AUTS2: variants seen among roughly 807,000 people sequenced by gnomAD.
The protein encoded by AUTS2 is autism susceptibility gene 2 protein.
Under a neutral mutation model 112.4 loss-of-function variants are expected in AUTS2, and 17 were observed. The ratio of observed to expected loss-of-function variants is 0.15; its 90% CI spans 0.10 to 0.23. AUTS2 has a LOEUF of 0.23. AUTS2 is among the 10% of genes least tolerant of loss of function. The probability of loss-of-function intolerance (pLI) is 1.00; values close to 1 mark genes in which losing one functional copy is unlikely to be tolerated. For synonymous variants in AUTS2, 751 were observed against 702.7 expected (o/e 1.07, Z -1.09); for missense variants, 1,510 against 1,701.6 (o/e 0.89, Z 1.98).
At chr7:70,245,491 A>G (rs1446162324) in intron 4 of AUTS2, among the ~76,000 whole-genome samples, 1 of 152,118 alleles carries the variant, frequency 6.6e-6, no homozygotes, top group African/African-American at 2.4e-5. Context: ...TGTTTTGTAC[A>G]TTCTGTAGAT....
intron 1 of AUTS2, among the ~76,000 whole-genome samples, chr7:69,743,716 A>G (rs891190594): frequency 6.6e-6 from 1 of 152,180 alleles, no homozygotes; most frequent in Non-Finnish European, 1.5e-5. Flanking sequence ...AGTTTTATAT[A>G]AATGGAATTA....
chr7:70,767,052 A>G (rs1300430625), intron 9 of AUTS2, among the ~76,000 whole-genome samples: 1 of 152,198 alleles, frequency 6.6e-6, no homozygotes, highest in Non-Finnish European at 1.5e-5. Context: ...TCATAGTGCC[A>G]TATTAGAATG....
chr7:70,486,898 C>CCG (rs59030350), intron 5 of AUTS2, among the ~76,000 whole-genome samples: 2 of 6,736 alleles, frequency 3.0e-4, no homozygotes, highest in Non-Finnish European at 1.1e-3. Context: ...TTTTTGTATT[C>CCG]CCCCCCCCCC....
chr7:70,685,564 T>C (rs1013693999), intron 5 of AUTS2, among the ~76,000 whole-genome samples: 3 of 151,000 alleles, frequency 2.0e-5, no homozygotes, highest in African/African-American at 7.3e-5. Flanking sequence ...GATAATAACA[T>C]ATGTGGTATG....
chr7:69,811,575 T>C (rs557658646), intron 1 of AUTS2, among the ~76,000 whole-genome samples: 1 of 152,252 alleles, frequency 6.6e-6, no homozygotes, highest in Non-Finnish European at 1.5e-5. Context: ...TCAAGGCCCT[T>C]CACGTGATTT....
intron 1 of AUTS2, among the ~76,000 whole-genome samples, chr7:69,875,594 T>C (rs183379360): frequency 6.6e-6 from 1 of 152,336 alleles, no homozygotes; most frequent in East Asian, 1.9e-4. Context: ...CAGGTCTGTT[T>C]GTGACACAAG....
intron 5 of AUTS2, among the ~76,000 whole-genome samples, chr7:70,601,700 G>A (rs565081015): frequency 1.3e-5 from 2 of 152,256 alleles, no homozygotes; most frequent in East Asian, 3.9e-4. Context: ...AGCGGGGACA[G>A]GAAGTTGTGG....
intron 5 of AUTS2, among the ~76,000 whole-genome samples, chr7:70,572,520 T>C (rs980299815): frequency 3.9e-5 from 6 of 152,074 alleles, no homozygotes; most frequent in Non-Finnish European, 7.4e-5. Context: ...ACTTAAAACA[T>C]ATTCTTAGAC....
At chr7:69,729,301 A>G (rs966717035) in intron 1 of AUTS2, among the ~76,000 whole-genome samples, 1 of 151,862 alleles carries the variant, frequency 6.6e-6, no homozygotes, top group African/African-American at 2.4e-5. Context: ...TATTTAACAC[A>G]TACTCGCATG....
intron 2 of AUTS2, among the ~76,000 whole-genome samples, chr7:70,103,197 A>G (rs184692139): frequency 5.9e-5 from 9 of 152,336 alleles, no homozygotes; most frequent in Admixed American, 1.3e-4. Flanking sequence ...TATTAATACA[A>G]TGTTACTCTG....
chr7:70,327,803 A>G (rs1338971754), intron 4 of AUTS2, among the ~76,000 whole-genome samples: 1 of 152,224 alleles, frequency 6.6e-6, no homozygotes, highest in Non-Finnish European at 1.5e-5. Context: ...AACCACATTT[A>G]TCATAAAATT....
chr7:69,912,901 T>C (rs1795422561), intron 2 of AUTS2, among the ~76,000 whole-genome samples: 1 of 152,252 alleles, frequency 6.6e-6, no homozygotes, highest in Non-Finnish European at 1.5e-5. Context: ...ATCTCTAGAT[T>C]AGTGCAGCAT....
intron 1 of AUTS2, among the ~76,000 whole-genome samples, chr7:69,716,678 C>T (rs1159866663): frequency 6.6e-6 from 1 of 152,078 alleles, no homozygotes; most frequent in Non-Finnish European, 1.5e-5. Context: ...TCTCAGGGCT[C>T]AGTCCCACAC....
At chr7:69,895,434 C>G (rs907901292) in intron 1 of AUTS2, among the ~76,000 whole-genome samples, 4 of 152,054 alleles carry the variant, frequency 2.6e-5, no homozygotes, top group African/African-American at 9.7e-5. Context: ...TCTCTAGTCT[C>G]TGAAAATATA....
At chr7:70,613,379 A>G (rs1804196030) in intron 5 of AUTS2, among the ~76,000 whole-genome samples, 2 of 152,058 alleles carry the variant, frequency 1.3e-5, no homozygotes, top group Non-Finnish European at 2.9e-5. Flanking sequence ...GTAATATTAG[A>G]TTTTCGGAGT....
chr7:70,359,845 A>G (rs1228257401), intron 4 of AUTS2, among the ~76,000 whole-genome samples: 1 of 152,198 alleles, frequency 6.6e-6, no homozygotes, highest in African/African-American at 2.4e-5. Flanking sequence ...CCAATGTAGT[A>G]TGTGTTTTCT....
chr7:70,216,157 C>G (rs1002243030), intron 4 of AUTS2, among the ~76,000 whole-genome samples: 1 of 152,168 alleles, frequency 6.6e-6, no homozygotes, highest in Non-Finnish European at 1.5e-5. Context: ...TGGGGTATTA[C>G]AGCTGTTCAG....
At chr7:70,440,537 G>A (rs1243174074) in intron 5 of AUTS2, among the ~76,000 whole-genome samples, 1 of 152,160 alleles carries the variant, frequency 6.6e-6, no homozygotes, top group African/African-American at 2.4e-5. Flanking sequence ...GAAAAAAGAG[G>A]AAGACTAGCA....
At chr7:70,173,201 A>C (rs1318940867) in intron 4 of AUTS2, among the ~76,000 whole-genome samples, 1 of 152,068 alleles carries the variant, frequency 6.6e-6, no homozygotes, top group East Asian at 1.9e-4. Context: ...ACACAGTGAA[A>C]CCCTGTCTCT....
Sources: allele counts gnomAD v4.1 joint callset (sites outside exome capture counted in the v4.1 genomes callset), GRCh38; gene constraint gnomAD v4.1.1; transcripts MANE v1.5; gene names NCBI Gene and HGNC (gene_info 2026-07-23, HGNC 2026-07-21).